The following MFSD2B variants were observed in gnomAD, a reference collection of about 807,000 sequenced individuals.
The protein encoded by MFSD2B is MFSD2 lysolipid transporter B, sphingolipid.
A neutral mutation model predicts 58.4 loss-of-function variants in MFSD2B; 56 were observed. The ratio of observed to expected loss-of-function variants is 0.96; its 90% CI spans 0.77 to 1.20. The LOEUF is 1.20. Among genes scored for constraint, MFSD2B ranks in the 50% most tolerant of loss-of-function variants. MFSD2B has a pLI of 0.00. For synonymous variants in MFSD2B, 287 were observed against 294.4 expected (o/e 0.97, Z 0.26); for missense variants, 645 against 667.6 (o/e 0.97, Z 0.37).
intron 6 of MFSD2B, among the ~76,000 whole-genome samples, chr2:24,018,943 C>T (rs1174477138): frequency 2.0e-5 from 3 of 151,614 alleles, no homozygotes; most frequent in South Asian, 2.1e-4. Flanking sequence ...CTCCGTCTCC[C>T]GGATTCAGGC....
Position 24,017,639 on chromosome 2 carries a change from G to T in MFSD2B, c.681+51G>T. ...CCCAACCTGGGGTCCCCTCTGCAGG[G>T]TCACCTCCTTCCTCTAGGGCTGGTT... On this transcript the variant is annotated intron_variant, in intron 6 of 13. Coordinates refer to ENST00000338315, the MANE Select transcript of MFSD2B (RefSeq NM_001346880.2). The surrounding 1 kb of genome is among the most constrained non-coding windows in gnomAD (Gnocchi z 4.8). The T allele has an allele frequency of 2.7e-6, 4 of 1,504,716 alleles. No homozygotes were observed. Among genetic ancestry groups the T allele is most frequent in the Non-Finnish European group, 3.6e-6 (4 of 1,121,708 alleles). The allele number at this position is 1,504,716 out of a possible 1,614,324, so 93.2% of individuals were successfully genotyped here. A position where few individuals can be genotyped will look rare whatever the true frequency, so the allele number is the denominator to read the frequency against.
chr2:24,016,319 T>TCTTGGC, intron 3 of MFSD2B, 39 bp downstream of exon 3: 1 of 1,593,964 alleles, frequency 6.3e-7, no homozygotes. Context: ...AGGCACCTGG[T>TCTTGGC]CCTGGCCCTG....
In MFSD2B at chr2:24,012,363, C is replaced by T. The variant is rs1446799014; in HGVS notation, c.97-922C>T. Among the ~76,000 whole-genome samples, 1 of 152,146 alleles carries T rather than the reference C, an allele frequency of 6.6e-6. No homozygotes were observed. The highest frequency in any genetic ancestry group is 1.5e-5 in the Non-Finnish European group (1 of 68,040). ...CCTGGTTCAAGCAATTCTCTTGCCT[C>T]AGCCTCCTGAGTAGCTGGGATTACA... On this transcript the variant is annotated intron_variant, in intron 1 of 13. Transcript: ENST00000338315. This position sits in a 1 kb window ranked among gnomAD's most constrained non-coding sequence, Gnocchi z 4.5.
In MFSD2B at chr2:24,017,981, CT is replaced by C. The variant is rs1409311876; in HGVS notation, c.681+394del. 6.6e-6 allele frequency among the ~76,000 whole-genome samples: 1 copy of C among 152,012 alleles called. No individual in the cohort carries two copies. Among genetic ancestry groups the C allele is most frequent in the East Asian group, 1.9e-4 (1 of 5,154 alleles). On this transcript the variant is annotated intron_variant, in intron 6 of 13. Coordinates refer to ENST00000338315, the MANE Select transcript of MFSD2B (RefSeq NM_001346880.2). This position sits in a 1 kb window ranked among gnomAD's most constrained non-coding sequence, Gnocchi z 4.8. ...ATGACCCATGCCCCCTCCCCCAGCC[CT>C]GACCAGGTGAGCCCCCAACCCGCAG...
At position 24,010,206 on chromosome 2, in the gene MFSD2B, C is replaced by A; in HGVS notation, c.96+14C>A. 2 of 1,376,312 alleles carry A rather than the reference C, an allele frequency of 1.5e-6. No individual in the cohort carries two copies. The highest frequency in any genetic ancestry group is 3.1e-5 in the East Asian group (1 of 32,572). The allele number at this position is 1,376,312 out of a possible 1,614,324, so 85.3% of individuals were successfully genotyped here. On this transcript the variant is annotated intron_variant, in intron 1 of 13. Transcript: ENST00000338315. ...CGAGGGCGAGAGGTGAGCGGGGCGG[C>A]GGGGACCGGGAAGGGGCTGCGTCCT...
At position 24,021,153 on chromosome 2, in the gene MFSD2B, C is replaced by T. The variant is rs1662767212; in HGVS notation, c.682-495C>T. Reference sequence around the variant, plus strand: ...CCTCAAATGATCCACCCACCTTGGCCTCCCAAAGTGCTAGGATGACAGGCA... The same window carrying T: ...CCTCAAATGATCCACCCACCTTGGCTTCCCAAAGTGCTAGGATGACAGGCA... On this transcript the variant is annotated intron_variant, in intron 6 of 13. Transcript: ENST00000338315. This position sits in a 1 kb window ranked among gnomAD's most constrained non-coding sequence, Gnocchi z 5.7. Among the ~76,000 whole-genome samples, 1 of 151,358 alleles carries T rather than the reference C, an allele frequency of 6.6e-6. No individual in the cohort carries two copies. Among genetic ancestry groups the T allele is most frequent in the Admixed American group, 6.6e-5 (1 of 15,200 alleles).
Position 24,022,119 on chromosome 2 carries a change from G to T in MFSD2B, c.894+149G>T. 7 of 987,514 alleles carry T rather than the reference G, an allele frequency of 7.1e-6. No individual in the cohort carries two copies. Among genetic ancestry groups the T allele is most frequent in the Non-Finnish European group, 1.1e-5 (7 of 660,828 alleles). The allele number at this position is 987,514 out of a possible 1,614,324, so 61.2% of individuals were successfully genotyped here. The stretch of plus-strand genomic sequence containing the variant: ...GGGCTGGTGCCGGGAGGGAGATCCC[G>T]GTAGGGCTTGTGGGAATGGAGGGCC... On this transcript the variant is annotated intron_variant, in intron 8 of 13. Transcript: ENST00000338315. The surrounding 1 kb of genome is among the most constrained non-coding windows in gnomAD (Gnocchi z 4.5).
chr2:24,025,140 G>A (rs563380529), intron 13 of MFSD2B, among the ~76,000 whole-genome samples: 1 of 152,306 alleles, frequency 6.6e-6, no homozygotes, highest in East Asian at 1.9e-4. Context: ...CAGGCAGTGG[G>A]TGGCCTTGTC....
chr2:24,023,081 C>T lies in MFSD2B; in HGVS notation c.1060-49C>T, dbSNP rs1461203462. ...GTCGAGTCGTGTGTGAAGGAGCAGGCCCCACGAAGAAGCAGGTGGCGGGAC... is the reference window on the plus strand; with the variant it reads ...GTCGAGTCGTGTGTGAAGGAGCAGGTCCCACGAAGAAGCAGGTGGCGGGAC... On this transcript the variant is annotated intron_variant, in intron 10 of 13. Coordinates refer to ENST00000338315, the MANE Select transcript of MFSD2B (RefSeq NM_001346880.2). The surrounding 1 kb of genome is among the most constrained non-coding windows in gnomAD (Gnocchi z 5.0). 6 of 1,492,590 alleles carry T rather than the reference C, an allele frequency of 4.0e-6. No homozygotes were observed. The Admixed American group carries it at 6.7e-5, about 17-fold the overall frequency. The allele number at this position is 1,492,590 out of a possible 1,614,324, so 92.5% of individuals were successfully genotyped here.
chr2:24,015,924 G>A (rs566342135), intron 2 of MFSD2B, among the ~76,000 whole-genome samples: 13 of 152,298 alleles, frequency 8.5e-5, no homozygotes, highest in African/African-American at 2.9e-4. Flanking sequence ...AGTCCTCTCC[G>A]CAGTGGCTGA....
chr2:24,015,693 CA>C (rs1709117734), intron 2 of MFSD2B, among the ~76,000 whole-genome samples: 2 of 152,180 alleles, frequency 1.3e-5, no homozygotes, highest in Admixed American at 1.3e-4. Context: ...TTTACATAGT[CA>C]GAAAAAACAA....
At position 24,021,815 on chromosome 2, in the gene MFSD2B, T is replaced by G. The variant is rs1296878940; in HGVS notation, c.773-34T>G. 22 of 1,613,464 alleles carry G rather than the reference T, an allele frequency of 1.4e-5. No homozygotes were observed. The highest frequency in any genetic ancestry group is 1.9e-5 in the Non-Finnish European group (22 of 1,179,522). ...GGGGGCAGGTTTTGCTTTTGAACTCTGCGAAGCCAAGGTGACACGCTTCTG... is the reference window on the plus strand; with the variant it reads ...GGGGGCAGGTTTTGCTTTTGAACTCGGCGAAGCCAAGGTGACACGCTTCTG... On this transcript the variant is annotated intron_variant, in intron 7 of 13. Coordinates refer to ENST00000338315, the MANE Select transcript of MFSD2B (RefSeq NM_001346880.2). The surrounding 1 kb of genome is among the most constrained non-coding windows in gnomAD (Gnocchi z 5.7).
chr2:24,020,103 G>T lies in MFSD2B; in HGVS notation c.682-1545G>T, dbSNP rs1445957524. On this transcript the variant is annotated intron_variant, in intron 6 of 13. Coordinates refer to ENST00000338315, the MANE Select transcript of MFSD2B (RefSeq NM_001346880.2). The surrounding 1 kb of genome is among the most constrained non-coding windows in gnomAD (Gnocchi z 4.1). ...CTGTCCTGGTGAGGGGGCCTGGGGT[G>T]GTGGAGGCTAGGTCACTTGGGGCCC... is the stretch of plus-strand genomic sequence containing the variant. Among the ~76,000 whole-genome samples the T allele has an allele frequency of 6.6e-6, 1 of 152,228 alleles. No homozygotes were observed. The highest frequency in any genetic ancestry group is 1.9e-4 in the East Asian group (1 of 5,200).
chr2:24,025,796 T>C lies in MFSD2B; in HGVS notation c.*340T>C, dbSNP rs1382109292. On this transcript the variant is annotated 3_prime_UTR_variant, in exon 14 of 14. Coordinates refer to ENST00000338315, the MANE Select transcript of MFSD2B (RefSeq NM_001346880.2). The stretch of plus-strand genomic sequence containing the variant: ...CATTCAAGAAAACGTTACAGCCGGC[T>C]CACTGCAAAATCCGCCTCCCGGGTT... The C allele has an allele frequency of 2.7e-5, 7 of 261,986 alleles. No individual in the cohort carries two copies. Among genetic ancestry groups the C allele is most frequent in the Non-Finnish European group, 5.1e-5 (7 of 138,098 alleles). 16.2% of individuals were successfully genotyped at this position (261,986 alleles called of 1,614,324 possible).
Position 24,023,792 on chromosome 2 carries a change from C to G in MFSD2B, c.1313+66C>G. On this transcript the variant is annotated intron_variant, in intron 12 of 13. Coordinates refer to ENST00000338315, the MANE Select transcript of MFSD2B (RefSeq NM_001346880.2). This position sits in a 1 kb window ranked among gnomAD's most constrained non-coding sequence, Gnocchi z 5.0. ...CAGTGGGCAGGAAGAGGGCAAAGCC[C>G]CTCACCTACCAAGCTCAGGGCATCC... The G allele has an allele frequency of 6.4e-7, 1 of 1,573,866 alleles. No individual in the cohort carries two copies. The highest frequency in any genetic ancestry group is 1.3e-5 in the African/African-American group (1 of 74,256).
chr2:24,022,736 C>G lies in MFSD2B; in HGVS notation c.979-86C>G. ...AACCAGGGGCAAGGCCAAGGTCAGG[C>G]ATCCAATCTAAAAGCCAAGGCCTTG... On this transcript the variant is annotated intron_variant, in intron 9 of 13. Coordinates refer to ENST00000338315, the MANE Select transcript of MFSD2B (RefSeq NM_001346880.2). This position sits in a 1 kb window ranked among gnomAD's most constrained non-coding sequence, Gnocchi z 4.5. The G allele has an allele frequency of 9.5e-7, 1 of 1,048,944 alleles. No homozygotes were observed. Among genetic ancestry groups the G allele is most frequent in the South Asian group, 1.6e-5 (1 of 60,642 alleles). The allele number at this position is 1,048,944 out of a possible 1,614,324, so 65.0% of individuals were successfully genotyped here.
Position 24,023,189 on chromosome 2 carries a change from C to T in MFSD2B, c.1119C>T (p.Val373=), listed in dbSNP as rs372859192. Residue 373 remains valine (V), a synonymous_variant, in exon 11 of 14, where the codon GTC becomes GTT. Transcript: ENST00000338315. The surrounding 1 kb of genome is among the most constrained non-coding windows in gnomAD (Gnocchi z 5.0). ...TGCCCACAGCACCTGTGGCATATGTCGTGGCCTTTGTATCTGGCGTGAGCA... is the reference window on the plus strand; with the variant it reads ...TGCCCACAGCACCTGTGGCATATGTTGTGGCCTTTGTATCTGGCGTGAGCA... ...AAVPTAPVAY[V]VAFVSGVSIA... is the part of the protein sequence containing the mutation. The T allele has an allele frequency of 3.0e-5, 49 of 1,613,544 alleles. No individual in the cohort carries two copies. The highest frequency in any genetic ancestry group is 4.1e-5 in the Non-Finnish European group (48 of 1,179,856).
In MFSD2B at chr2:24,023,111, G is replaced by GGT. The variant is rs760623456; in HGVS notation, c.1060-10_1060-9dup. On this transcript the variant is annotated intron_variant, in intron 10 of 13. Coordinates refer to ENST00000338315, the MANE Select transcript of MFSD2B (RefSeq NM_001346880.2). This position sits in a 1 kb window ranked among gnomAD's most constrained non-coding sequence, Gnocchi z 5.0. ...CGAAGAAGCAGGTGGCGGGACAGCT[G>GGT]GTGTGTGTGTCTCCCCAGGCGATGG... 3 of 1,596,618 alleles carry GGT rather than the reference G, an allele frequency of 1.9e-6. No homozygotes were observed. The highest frequency in any genetic ancestry group is 1.1e-5 in the South Asian group (1 of 90,772).
intron 6 of MFSD2B, chr2:24,018,588 A>G: frequency 5.5e-6 from 1 of 182,624 alleles, no homozygotes; most frequent in Non-Finnish European, 1.2e-5. Flanking sequence ...CGAATCGACC[A>G]TAATGGGTGT....
Sources: allele counts gnomAD v4.1 joint callset (sites outside exome capture counted in the v4.1 genomes callset), GRCh38; gene constraint gnomAD v4.1.1; non-coding constraint Gnocchi (gnomAD v3.1); transcripts MANE v1.5; gene names NCBI Gene and HGNC (gene_info 2026-07-23, HGNC 2026-07-21).